The following ZFP36L1 variants were observed in gnomAD, a reference collection of about 807,000 sequenced individuals.
ZFP36L1 encodes mRNA decay activator protein ZFP36L1.
ZFP36L1 carries 4 observed loss-of-function variants against 16.7 expected under a neutral mutation model. The observed-to-expected ratio is 0.24, with a 90% CI of 0.12 to 0.55. The LOEUF (loss-of-function observed/expected upper bound fraction) is 0.55. Among genes scored for constraint, ZFP36L1 ranks in the 20% least tolerant of loss-of-function variants. The pLI is 0.94. For missense variants in ZFP36L1, 311 were observed against 449.2 expected, an observed-to-expected ratio of 0.69 and a Z score of 2.78; for synonymous variants, 220 against 190.8, an observed-to-expected ratio of 1.15 and a Z score of -1.26.
upstream of ZFP36L1, chr14:68,795,865 G>A (rs1452893775): frequency 5.0e-6 from 3 of 597,018 alleles, no homozygotes; most frequent in Non-Finnish European, 9.4e-6. Context: ...TCGCTGACCC[G>A]GCGTCCCCGC....
chr14:68,791,558 G>T (rs1895070940), intron 1 of ZFP36L1, among the ~76,000 whole-genome samples: 1 of 151,886 alleles, frequency 6.6e-6, no homozygotes, highest in Non-Finnish European at 1.5e-5. Flanking sequence ...AGCAGGGGGG[G>T]ACCGGGAATC....
At chr14:68,796,202 G>A, upstream of ZFP36L1, 1 of 1,366,810 alleles carries the variant, frequency 7.3e-7, no homozygotes, top group Non-Finnish European at 9.8e-7. Flanking sequence ...ATTTTAGCTT[G>A]GAGGTGGTGG....
chr14:68,796,200 T>C (rs910368339), upstream of ZFP36L1: 29 of 1,366,558 alleles, frequency 2.1e-5, no homozygotes, highest in Non-Finnish European at 2.8e-5. Flanking sequence ...GTATTTTAGC[T>C]TGGAGGTGGT....
chr14:68,792,499 A>G (rs987885650), intron 1 of ZFP36L1, among the ~76,000 whole-genome samples: 1 of 152,170 alleles, frequency 6.6e-6, no homozygotes, highest in Admixed American at 6.5e-5. Flanking sequence ...GCCGCTGGAC[A>G]GACCTAGGGC....
intron 1 of ZFP36L1, among the ~76,000 whole-genome samples, chr14:68,792,479 G>C (rs527939004): frequency 6.6e-6 from 1 of 152,228 alleles, no homozygotes; most frequent in African/African-American, 2.4e-5. Flanking sequence ...CAACCCCACG[G>C]GTGGGTAATG....
chr14:68,792,789 C>T, intron 1 of ZFP36L1, 93 bp downstream of exon 1: 1 of 1,530,712 alleles, frequency 6.5e-7, no homozygotes, highest in African/African-American at 1.4e-5. Flanking sequence ...CACCACTTTC[C>T]CCATTGCCTT....
At position 68,788,887 on chromosome 14, in the gene ZFP36L1, C is replaced by A. The variant is rs1214117568; in HGVS notation, c.*646G>T. 2 of 139,502 alleles carry A rather than the reference C, an allele frequency of 1.4e-5. No homozygotes were observed. Among genetic ancestry groups the A allele is most frequent in the Admixed American group, 7.5e-5 (1 of 13,380 alleles). The allele number at this position is 139,502 out of a possible 1,614,324, so 8.6% of individuals were successfully genotyped here. A position where few individuals can be genotyped will look rare whatever the true frequency, so the allele number is the denominator to read the frequency against. ...AGGTTTTGAATGTCAAGACAGGTTT[C>A]CCCCAAAACCCTGGTCTGGCAACAA... On this transcript the variant is annotated 3_prime_UTR_variant, in exon 2 of 2. Transcript: ENST00000439696.
chr14:68,790,599 T>G lies in ZFP36L1; in HGVS notation c.58-107A>C. On this transcript the variant is annotated intron_variant, in intron 1 of 1. Transcript: ENST00000439696. ...AAACGCCCGCTCTTTCTCAAAGAAC[T>G]CATCTCTACCTCGGCTCTAGCAAGC... is the stretch of plus-strand genomic sequence containing the variant. The G allele has an allele frequency of 3.4e-6, 5 of 1,457,894 alleles. No individual in the cohort carries two copies. In the South Asian group the frequency reaches 6.1e-5, roughly 18 times the overall value. The allele number at this position is 1,457,894 out of a possible 1,614,324, so 90.3% of individuals were successfully genotyped here.
chr14:68,788,155 A>G lies in ZFP36L1; in HGVS notation c.*1378T>C, dbSNP rs1205664394. 6.6e-6 allele frequency: 1 copy of G among 152,156 alleles called. No homozygotes were observed. Among genetic ancestry groups the G allele is most frequent in the Non-Finnish European group, 1.5e-5 (1 of 68,014 alleles). The allele number at this position is 152,156 out of a possible 1,614,324, so 9.4% of individuals were successfully genotyped here. On this transcript the variant is annotated 3_prime_UTR_variant, in exon 2 of 2. Coordinates refer to ENST00000439696, the MANE Select transcript of ZFP36L1 (RefSeq NM_004926.4). Reference sequence around the variant, plus strand: ...TTCATTTTTTTAAAATAAAATAACCAAAAAAGTGTAAAGTTACAAAAAATG... The same window carrying G: ...TTCATTTTTTTAAAATAAAATAACCGAAAAAGTGTAAAGTTACAAAAAATG...
At position 68,790,305 on chromosome 14, in the gene ZFP36L1, C is replaced by G. The variant is rs374417428; in HGVS notation, c.245G>C (p.Arg82Pro). 22 of 1,609,794 alleles carry G rather than the reference C, an allele frequency of 1.4e-5. No homozygotes were observed. Among genetic ancestry groups the G allele is most frequent in the Non-Finnish European group, 1.9e-5 (22 of 1,179,074 alleles). ...GGAGCGGTCTCGGAAGCGGCTGTCT[C>G]GCGAGCTCAGAGCGGGGGCTGGCTC... ...KGEPAPALSS[R>P]DSRFRDRSFS... The change falls in exon 2 of 2, where the codon CGA (arginine) becomes CCA (proline). Residue 82 changes from arginine (R) to proline (P), a missense_variant. Around this residue, in one of 4 missense-constraint regions of ZFP36L1, gnomAD observed 137 missense variants for 142.6 expected, o/e 0.96. Coordinates refer to ENST00000439696, the MANE Select transcript of ZFP36L1 (RefSeq NM_004926.4).
chr14:68,792,965 G>A lies in ZFP36L1; in HGVS notation c.-27C>T, dbSNP rs1218022675. ...CTGTGCGTTCGCGCGAGCCAGGGGC[G>A]AGGATCTGGTGTGTCGCGAAGGTCC... On this transcript the variant is annotated 5_prime_UTR_variant, in exon 1 of 2. Transcript: ENST00000439696. The A allele has an allele frequency of 2.5e-6, 4 of 1,613,272 alleles. No homozygotes were observed. Among genetic ancestry groups the A allele is most frequent in the East Asian group, 2.2e-5 (1 of 44,860 alleles).
chr14:68,789,369 A>C lies in ZFP36L1; in HGVS notation c.*164T>G. ...TGTCCTTATGTTAGGTGGGGTTATGAGGGGGAGAGGGAGGGCACATTCTGA... is the reference window on the plus strand; with the variant it reads ...TGTCCTTATGTTAGGTGGGGTTATGCGGGGGAGAGGGAGGGCACATTCTGA... On this transcript the variant is annotated 3_prime_UTR_variant, in exon 2 of 2. Coordinates refer to ENST00000439696, the MANE Select transcript of ZFP36L1 (RefSeq NM_004926.4). The surrounding 1 kb of genome is among the most constrained non-coding windows in gnomAD (Gnocchi z 4.5). 2 of 1,004,766 alleles carry C rather than the reference A, an allele frequency of 2.0e-6. No individual in the cohort carries two copies. The highest frequency in any genetic ancestry group is 2.9e-6 in the Non-Finnish European group (2 of 701,640). The allele number at this position is 1,004,766 out of a possible 1,614,324, so 62.2% of individuals were successfully genotyped here.
Position 68,789,484 on chromosome 14 carries a change from G to C in ZFP36L1, c.*49C>G, listed in dbSNP as rs1192474414. 5 of 1,610,322 alleles carry C rather than the reference G, an allele frequency of 3.1e-6. No homozygotes were observed. The highest frequency in any genetic ancestry group is 4.2e-6 in the Non-Finnish European group (5 of 1,178,954). ...TAGGGAGAAGAGGGTATGGGATGTG[G>C]GTGCAGGGTAGGGGCTGGAGTAGGC... On this transcript the variant is annotated 3_prime_UTR_variant, in exon 2 of 2. Coordinates refer to ENST00000439696, the MANE Select transcript of ZFP36L1 (RefSeq NM_004926.4). The surrounding 1 kb of genome is among the most constrained non-coding windows in gnomAD (Gnocchi z 4.5).
chr14:68,793,215 G>A (rs1228806809), upstream of ZFP36L1: 4 of 1,074,284 alleles, frequency 3.7e-6, no homozygotes, highest in South Asian at 3.0e-5. Context: ...CAGGCGGGGA[G>A]GGGGGGCAGG....
chr14:68,792,360 C>G (rs1365057630), intron 1 of ZFP36L1, among the ~76,000 whole-genome samples: 2 of 152,192 alleles, frequency 1.3e-5, no homozygotes, highest in Admixed American at 6.5e-5. Context: ...TCTGCAACAT[C>G]TTTTTGAATC....
At chr14:68,793,295 C>A (rs557060407), upstream of ZFP36L1, 28 of 1,049,100 alleles carry the variant, frequency 2.7e-5, no homozygotes, top group East Asian at 9.0e-4. Context: ...AAAAAAAAAA[C>A]CCCACTGTGA....
chr14:68,789,778 G>C lies in ZFP36L1; in HGVS notation c.772C>G (p.Leu258Val), dbSNP rs770380051. ...NNPFAFSSQELASLFAPSMGL... is the reference protein window; with the variant it reads ...NNPFAFSSQEVASLFAPSMGL... ...ATGCTAGGGGCAAAGAGGCTTGCCAGCTCCTGGCTGGAGAAGGCAAAAGGG... is the reference window on the plus strand; with the variant it reads ...ATGCTAGGGGCAAAGAGGCTTGCCACCTCCTGGCTGGAGAAGGCAAAAGGG... The change falls in exon 2 of 2, where the codon CTG becomes GTG. Residue 258 changes from leucine (L) to valine (V), a missense_variant. This residue lies in a region of ZFP36L1 where 147 missense variants were observed against 192.0 expected (regional missense o/e 0.77). Transcript: ENST00000439696. The surrounding 1 kb of genome is among the most constrained non-coding windows in gnomAD (Gnocchi z 4.5). 8.1e-6 allele frequency: 13 copies of C among 1,613,862 alleles called. No homozygotes were observed. The highest frequency in any genetic ancestry group is 3.4e-6 in the Non-Finnish European group (4 of 1,179,998).
intron 1 of ZFP36L1, among the ~76,000 whole-genome samples, chr14:68,792,411 C>G (rs896550433): frequency 6.6e-6 from 1 of 152,180 alleles, no homozygotes; most frequent in African/African-American, 2.4e-5. Context: ...CAGCTCCCCC[C>G]AAAGAGTGGA....
In ZFP36L1 at chr14:68,789,319, A is replaced by T; in HGVS notation, c.*214T>A. ...AAATCCAGGGAGGGGGTTTCAAGCCAGAAGAAGCTACTGACAAATTGACTT... is the reference window on the plus strand; with the variant it reads ...AAATCCAGGGAGGGGGTTTCAAGCCTGAAGAAGCTACTGACAAATTGACTT... On this transcript the variant is annotated 3_prime_UTR_variant, in exon 2 of 2. Coordinates refer to ENST00000439696, the MANE Select transcript of ZFP36L1 (RefSeq NM_004926.4). The surrounding 1 kb of genome is among the most constrained non-coding windows in gnomAD (Gnocchi z 4.5). 1.6e-6 allele frequency: 1 copy of T among 626,200 alleles called. No homozygotes were observed. The highest frequency in any genetic ancestry group is 2.6e-6 in the Non-Finnish European group (1 of 382,596). 38.8% of individuals were successfully genotyped at this position (626,200 alleles called of 1,614,324 possible).
Sources: allele counts gnomAD v4.1 joint callset (sites outside exome capture counted in the v4.1 genomes callset), GRCh38; gene constraint gnomAD v4.1.1; regional missense constraint gnomAD v4.1.1; non-coding constraint Gnocchi (gnomAD v3.1); transcripts MANE v1.5; gene names NCBI Gene and HGNC (gene_info 2026-07-23, HGNC 2026-07-21).